Variants in TNRC18 observed in about 807,000 individuals in gnomAD.
TNRC18 encodes the protein trinucleotide repeat containing 18.
A neutral mutation model predicts 226.7 loss-of-function variants in TNRC18; 69 were observed. The observed-to-expected ratio is 0.30, with a 90% CI of 0.25 to 0.37. The LOEUF (loss-of-function observed/expected upper bound fraction) is 0.37, where lower values mean the gene tolerates loss of function less well. Among genes scored for constraint, TNRC18 ranks in the 10% least tolerant of loss-of-function variants. The pLI is 1.00. For missense variants in TNRC18, 4,754 were observed against 4,256.6 expected, an observed-to-expected ratio of 1.12 and a Z score of -3.25; for synonymous variants, 2,449 against 1,927.6, an observed-to-expected ratio of 1.27 and a Z score of -7.09.
intron 18 of TNRC18, among the ~76,000 whole-genome samples, chr7:5,337,668 T>C (rs941762021): frequency 1.3e-5 from 2 of 152,134 alleles, no homozygotes; most frequent in Non-Finnish European, 2.9e-5. Context: ...CTCAATTTCC[T>C]TATAAGCCAT....
rs143637496 is a variant in TNRC18 at position 5,405,672 on chromosome 7, G to C, written c.188-11077C>G. ...ACAGGAGAATCACGTGAACCCAGGA[G>C]GGGGAGGTTGCAATGAGCCGAGATC... is the stretch of plus-strand genomic sequence containing the variant. On this transcript the variant is annotated intron_variant, in intron 2 of 29. Coordinates refer to ENST00000430969, the MANE Select transcript of TNRC18 (RefSeq NM_001080495.3). Among the ~76,000 whole-genome samples the C allele has an allele frequency of 1.7e-3, 258 of 152,290 alleles. 1 individual carries two copies. Among genetic ancestry groups the C allele is most frequent in the African/African-American group, 5.7e-3 (236 of 41,558 alleles).
intron 2 of TNRC18, among the ~76,000 whole-genome samples, chr7:5,410,310 CAAA>C (rs1157425008): frequency 0.21 from 13,486 of 65,764 alleles, 868 homozygotes; most frequent in African/African-American, 0.35. Flanking sequence ...GACTCTGTCT[CAAA>C]AAAAAAAAAA....
At chr7:5,362,241 A>G (rs1459599012) in intron 12 of TNRC18, among the ~76,000 whole-genome samples, 1 of 152,156 alleles carries the variant, frequency 6.6e-6, no homozygotes, top group Non-Finnish European at 1.5e-5. Context: ...GCAGTGCTCA[A>G]TTAGATGTCA....
chr7:5,309,894 C>G lies in TNRC18; in HGVS notation c.8389-526G>C, dbSNP rs544356244. Among the ~76,000 whole-genome samples, 13 of 152,176 alleles carry G rather than the reference C, an allele frequency of 8.5e-5. No homozygotes were observed. The highest frequency in any genetic ancestry group is 3.1e-4 in the African/African-American group (13 of 41,510). ...TAGGATCGCAGTGTCAGCCACTGCA[C>G]CTGGCCTTATTTTTCTTTTGAAAAT... On this transcript the variant is annotated intron_variant, in intron 27 of 29. Transcript: ENST00000430969. The surrounding 1 kb of genome is among the most constrained non-coding windows in gnomAD (Gnocchi z 5.7).
chr7:5,402,172 C>CT (rs1296865094), intron 2 of TNRC18, among the ~76,000 whole-genome samples: 4 of 115,076 alleles, frequency 3.5e-5, no homozygotes, highest in Non-Finnish European at 6.7e-5. Flanking sequence ...CAGCGAGACT[C>CT]TGTCTCAAAA....
intron 29 of TNRC18, among the ~76,000 whole-genome samples, 176 bp downstream of exon 29, chr7:5,308,699 A>G (rs1737853950): frequency 6.6e-6 from 1 of 152,204 alleles, no homozygotes; most frequent in Non-Finnish European, 1.5e-5. Context: ...ACAGACGCAC[A>G]GACCAGAGAG....
In TNRC18 at chr7:5,357,260, T is replaced by C; in HGVS notation, c.4850A>G (p.Lys1617Arg). 2 of 1,611,102 alleles carry C rather than the reference T, an allele frequency of 1.2e-6. No homozygotes were observed. The highest frequency in any genetic ancestry group is 1.7e-6 in the Non-Finnish European group (2 of 1,178,722). The change falls in exon 16 of 30, where the codon AAG (lysine) becomes AGG (arginine). Residue 1617 changes from lysine (K) to arginine (R), a missense_variant. Physicochemically the swap from Lys to Arg is conservative, Grantham distance 26 (BLOSUM62 2). Transcript: ENST00000430969. ...CTGCTCCTGGTCGCTGGCCATCTTC[T>C]TCTTCTTAATCTTTAGCTGGAGAGG... is the stretch of plus-strand genomic sequence containing the variant. ...DFISQLKIKK[K>R]KMASDQEQLA...
At chr7:5,311,184 G>A (rs1458423150) in intron 27 of TNRC18, among the ~76,000 whole-genome samples, 2 of 144,050 alleles carry the variant, frequency 1.4e-5, no homozygotes, top group Non-Finnish European at 3.1e-5. Context: ...GTGTACATGT[G>A]CACACATATG....
At chr7:5,329,656 C>G (rs1789301926) in intron 19 of TNRC18, among the ~76,000 whole-genome samples, 2 of 114,104 alleles carry the variant, frequency 1.8e-5, no homozygotes, top group South Asian at 6.0e-4. Context: ...GCACTTCAGC[C>G]TGGGCGACAC....
intron 2 of TNRC18, 173 bp downstream of exon 2, chr7:5,420,887 C>CACCGGGGCCGCCGGACTG: frequency 4.8e-6 from 4 of 838,968 alleles, no homozygotes; most frequent in African/African-American, 3.4e-5. Context: ...CACTCTCCAC[C>CACCGGGGCCGCCGGACTG]GCCTTGGCTC....
intron 11 of TNRC18, among the ~76,000 whole-genome samples, chr7:5,366,186 G>A (rs1214442265): frequency 6.6e-6 from 1 of 151,912 alleles, no homozygotes; most frequent in Non-Finnish European, 1.5e-5. Flanking sequence ...GTCTTGCTGA[G>A]TCCCTGCCTT....
chr7:5,325,162 G>T lies in TNRC18; in HGVS notation c.6234C>A (p.His2078Gln), dbSNP rs371946501. 6 of 1,552,596 alleles carry T rather than the reference G, an allele frequency of 3.9e-6. No individual in the cohort carries two copies. The highest frequency in any genetic ancestry group is 5.2e-6 in the Non-Finnish European group (6 of 1,148,202). The change falls in exon 20 of 30, where the codon CAC becomes CAA. Residue 2078 changes from histidine to glutamine, a missense_variant. By Grantham distance (24) the His-to-Gln change is conservative. Coordinates refer to ENST00000430969, the MANE Select transcript of TNRC18 (RefSeq NM_001080495.3). ...TTTTGGCAGCGGTCAGGGAGCTGGCGTGAGGAGCCCTGGCCTCAGAGGGCA... is the reference window on the plus strand; with the variant it reads ...TTTTGGCAGCGGTCAGGGAGCTGGCTTGAGGAGCCCTGGCCTCAGAGGGCA... Reference protein sequence around the residue: ...PALPSEARAPHASSLTAAKRS... With the variant: ...PALPSEARAPQASSLTAAKRS...
chr7:5,336,270 A>G (rs1468691601), intron 18 of TNRC18, among the ~76,000 whole-genome samples: 4 of 152,006 alleles, frequency 2.6e-5, no homozygotes, highest in Non-Finnish European at 5.9e-5. Flanking sequence ...CATTCCAGAG[A>G]GAAAAAAGAA....
rs548255761 is a variant in TNRC18 at position 5,419,104 on chromosome 7, C to T, written c.187+1956G>A. ...CAGAAGGTGCGCAGAGGCAGGGCTC[C>T]GAGGCTACCTCCCGCTGGGCTTCCG... On this transcript the variant is annotated intron_variant, in intron 2 of 29. Coordinates refer to ENST00000430969, the MANE Select transcript of TNRC18 (RefSeq NM_001080495.3). 6.7e-4 allele frequency among the ~76,000 whole-genome samples: 102 copies of T among 152,350 alleles called. 1 individual carries two copies. Among genetic ancestry groups the T allele is most frequent in the Non-Finnish European group, 1.0e-3 (70 of 68,032 alleles).
chr7:5,312,371 T>C lies in TNRC18; in HGVS notation c.8388+132A>G. 54 of 1,334,926 alleles carry C rather than the reference T, an allele frequency of 4.0e-5. No individual in the cohort carries two copies. Among genetic ancestry groups the C allele is most frequent in the Non-Finnish European group, 5.2e-5 (52 of 1,006,772 alleles). The allele number at this position is 1,334,926 out of a possible 1,614,324, so 82.7% of individuals were successfully genotyped here. A position where few individuals can be genotyped will look rare whatever the true frequency, so the allele number is the denominator to read the frequency against. Reference sequence around the variant, plus strand: ...AGACTCAGTGTACCCATCCATAAAGTGGGACGCCAGCCCTCCACCCTGGGG... The same window carrying C: ...AGACTCAGTGTACCCATCCATAAAGCGGGACGCCAGCCCTCCACCCTGGGG... On this transcript the variant is annotated intron_variant, in intron 27 of 29. Transcript: ENST00000430969. This position sits in a 1 kb window ranked among gnomAD's most constrained non-coding sequence, Gnocchi z 6.3.
intron 18 of TNRC18, among the ~76,000 whole-genome samples, chr7:5,335,990 T>C (rs1790069354): frequency 6.6e-6 from 1 of 151,610 alleles, no homozygotes; most frequent in South Asian, 2.1e-4. Flanking sequence ...GCAGATCACT[T>C]GAGGTGAGGA....
chr7:5,411,544 G>C (rs1432105732), intron 2 of TNRC18, among the ~76,000 whole-genome samples: 1 of 147,510 alleles, frequency 6.8e-6, no homozygotes, highest in Non-Finnish European at 1.5e-5. Context: ...AAAATTCCTA[G>C]AGGGAAAGTA....
At position 5,388,749 on chromosome 7, in the gene TNRC18, C is replaced by T. The variant is rs1331565450; in HGVS notation, c.1075G>A (p.Val359Ile). 1.9e-5 allele frequency: 23 copies of T among 1,236,150 alleles called. No homozygotes were observed. Among genetic ancestry groups the T allele is most frequent in the South Asian group, 2.4e-5 (1 of 41,320 alleles). The allele number at this position is 1,236,150 out of a possible 1,614,324, so 76.6% of individuals were successfully genotyped here. A position where few individuals can be genotyped will look rare whatever the true frequency, so the allele number is the denominator to read the frequency against. ...TGCTCACGGCCCTGCTCGCGGAAGA[C>T]GGTGTAGACGCCGGCGGGGGTGGCC... ...PAATPAGVYT[V>I]FREQGREHRV... is the part of the protein sequence containing the mutation. The change falls in exon 5 of 30, where the codon GTC (valine) becomes ATC (isoleucine). Residue 359 changes from valine to isoleucine, a missense_variant. Val to Ile is a conservative substitution (Grantham distance 29). Coordinates refer to ENST00000430969, the MANE Select transcript of TNRC18 (RefSeq NM_001080495.3).
chr7:5,388,920 G>A lies in TNRC18; in HGVS notation c.904C>T (p.Arg302Cys), dbSNP rs1299110807. ...CGGGCAGCCTCCTTGGCACCCCCGC[G>A]CCCCGCTTCGGCCACCAGCGCGGGC... ...GLPALVAEAG[R>C]GGAKEAARQD... Residue 302 changes from arginine (R) to cysteine (C), a missense_variant, in exon 5 of 30, where the codon CGC becomes TGC. Physicochemically the swap from Arg to Cys is radical, Grantham distance 180 (BLOSUM62 -3). Transcript: ENST00000430969. The A allele has an allele frequency of 1.3e-5, 18 of 1,371,550 alleles. No homozygotes were observed. Among genetic ancestry groups the A allele is most frequent in the Non-Finnish European group, 1.7e-5 (18 of 1,058,486 alleles). 85.0% of individuals were successfully genotyped at this position (1,371,550 alleles called of 1,614,324 possible).
Sources: allele counts gnomAD v4.1 joint callset (sites outside exome capture counted in the v4.1 genomes callset), GRCh38; gene constraint gnomAD v4.1.1; non-coding constraint Gnocchi (gnomAD v3.1); transcripts MANE v1.5; gene names NCBI Gene and HGNC (gene_info 2026-07-23, HGNC 2026-07-21).